Variants in ABAT observed in about 807,000 individuals in gnomAD.
ABAT encodes 4-aminobutyrate aminotransferase, mitochondrial.
Under a neutral mutation model 64.6 loss-of-function variants are expected in ABAT, and 45 were observed. The observed-to-expected ratio is 0.70, with a 90% CI of 0.55 to 0.89. ABAT has a LOEUF of 0.89. Ranked by LOEUF, ABAT falls within the 40% of genes least tolerant of loss-of-function variation. The pLI, the probability that ABAT is intolerant of heterozygous loss-of-function variation, is 0.00. For missense variants in ABAT, 633 were observed against 658.4 expected (o/e 0.96, Z 0.42); for synonymous variants, 297 against 250.5 (o/e 1.19, Z -1.75).
At chr16:8,773,777 A>G (rs1177796755) in intron 12 of ABAT, among the ~76,000 whole-genome samples, 3 of 152,226 alleles carry the variant, frequency 2.0e-5, no homozygotes, top group African/African-American at 7.2e-5. Flanking sequence ...AAGTGTTTTT[A>G]GTTCCCACCT....
At chr16:8,680,067 A>C (rs1194046967) in intron 1 of ABAT, among the ~76,000 whole-genome samples, 3 of 152,124 alleles carry the variant, frequency 2.0e-5, no homozygotes, top group Non-Finnish European at 4.4e-5. Flanking sequence ...TGCGTCTTTT[A>C]CAGGTAGTCT....
In ABAT at chr16:8,750,433, T is replaced by C. The variant is rs777386402; in HGVS notation, c.210T>C (p.Ala70=). 3 of 1,614,124 alleles carry C rather than the reference T, an allele frequency of 1.9e-6. No individual in the cohort carries two copies. Among genetic ancestry groups the C allele is most frequent in the Non-Finnish European group, 1.7e-6 (2 of 1,179,964 alleles). The change falls in exon 5 of 16, where the codon GCT becomes GCC. Residue 70 remains alanine, a synonymous_variant. Coordinates refer to ENST00000268251, the MANE Select transcript of ABAT (RefSeq NM_020686.6). ...KQLNIIQNAE[A]VHFFCNYEES... is the part of the protein sequence containing the mutation. ...TTTCTTTCTCCAAGAATGCAGAGGC[T>C]GTGCATTTTTTCTGCAATTACGAAG...
At chr16:8,761,076 TGAAAC>T (rs920440405) in intron 6 of ABAT, among the ~76,000 whole-genome samples, 4 of 151,370 alleles carry the variant, frequency 2.6e-5, no homozygotes, top group Middle Eastern at 3.2e-3. Flanking sequence ...ACCTTGCCTC[TGAAAC>T]AAAACAAAAC....
chr16:8,711,725 A>ATG (rs879474243), intron 1 of ABAT, among the ~76,000 whole-genome samples: 45,516 of 83,502 alleles, frequency 0.55, 14,256 homozygotes, highest in East Asian at 0.82. Flanking sequence ...GATGGATGGG[A>ATG]AGATGGATGG....
intron 1 of ABAT, among the ~76,000 whole-genome samples, chr16:8,727,544 A>G (rs774101679): frequency 3.3e-5 from 5 of 152,176 alleles, no homozygotes; most frequent in African/African-American, 7.2e-5. Context: ...CACTCACACC[A>G]GCAAAATAGT....
chr16:8,694,901 C>T (rs1273369), intron 1 of ABAT, among the ~76,000 whole-genome samples: 13,460 of 152,238 alleles, frequency 0.088, 718 homozygotes, highest in Middle Eastern at 0.17. Flanking sequence ...ACCTGAGTTC[C>T]GGTTTGGGAC....
At chr16:8,687,447 A>T (rs956612626) in intron 1 of ABAT, among the ~76,000 whole-genome samples, 2 of 151,620 alleles carry the variant, frequency 1.3e-5, no homozygotes, top group Non-Finnish European at 2.9e-5. Flanking sequence ...AATAGCTTGA[A>T]CCAGGGAGTC....
At chr16:8,734,250 T>A (rs1446951829) in intron 1 of ABAT, among the ~76,000 whole-genome samples, 3 of 152,356 alleles carry the variant, frequency 2.0e-5, no homozygotes, top group African/African-American at 7.2e-5. Context: ...CTCCCCATTA[T>A]AATGATGCCC....
chr16:8,725,029 G>A (rs1359572024), intron 1 of ABAT, among the ~76,000 whole-genome samples: 5 of 151,472 alleles, frequency 3.3e-5, no homozygotes, highest in Admixed American at 1.3e-4. Flanking sequence ...CGATTCTCCC[G>A]CCTCAGCCTC....
chr16:8,715,401 TGAAGTCAAGAGTTAGAG>T (rs1287065869), intron 1 of ABAT: 1 of 152,018 alleles, frequency 6.6e-6, no homozygotes, highest in Non-Finnish European at 1.5e-5. Context: ...GAGGATCACT[TGAAGTCAAGAGTTAGAG>T]ACTAGCCTCA....
intron 5 of ABAT, among the ~76,000 whole-genome samples, chr16:8,752,916 T>G (rs1416467071): frequency 6.6e-6 from 1 of 152,196 alleles, no homozygotes; most frequent in African/African-American, 2.4e-5. Flanking sequence ...GCCAAGTGCC[T>G]TATACATTAT....
intron 6 of ABAT, among the ~76,000 whole-genome samples, chr16:8,761,701 G>A (rs1000702723): frequency 1.3e-5 from 2 of 152,184 alleles, no homozygotes; most frequent in Non-Finnish European, 2.9e-5. Context: ...GCAGTAGGCC[G>A]GGGCACCACT....
chr16:8,684,803 A>G (rs1176668272), intron 1 of ABAT, among the ~76,000 whole-genome samples: 1 of 152,092 alleles, frequency 6.6e-6, no homozygotes, highest in East Asian at 1.9e-4. Context: ...TATTAGGCTC[A>G]TTCAATGAGG....
intron 6 of ABAT, among the ~76,000 whole-genome samples, chr16:8,760,590 G>T (rs115170150): frequency 6.6e-6 from 1 of 152,238 alleles, no homozygotes; most frequent in South Asian, 2.1e-4. Flanking sequence ...GTCTGATGAG[G>T]CCCACTGAGG....
chr16:8,722,591 G>A (rs556830652), intron 1 of ABAT, among the ~76,000 whole-genome samples: 27 of 152,262 alleles, frequency 1.8e-4, no homozygotes, highest in Admixed American at 1.0e-3. Flanking sequence ...ACTGAGGTTC[G>A]GGAAATGCAT....
chr16:8,742,042 T>G (rs182638297), intron 2 of ABAT, among the ~76,000 whole-genome samples: 16 of 152,320 alleles, frequency 1.1e-4, no homozygotes, highest in African/African-American at 2.6e-4. Context: ...AACAAACTTA[T>G]GGAAAACATG....
intron 1 of ABAT, among the ~76,000 whole-genome samples, chr16:8,730,986 G>C (rs945895546): frequency 6.6e-6 from 1 of 152,090 alleles, no homozygotes; most frequent in Non-Finnish European, 1.5e-5. Context: ...TGTGTGAGAC[G>C]GTGTCTCACT....
At chr16:8,725,818 C>T (rs2058534751) in intron 1 of ABAT, among the ~76,000 whole-genome samples, 1 of 152,100 alleles carries the variant, frequency 6.6e-6, no homozygotes, top group Non-Finnish European at 1.5e-5. Flanking sequence ...ACTTGTAATT[C>T]TTAAAAGGCC....
At chr16:8,766,753 G>A (rs1300707369) in intron 9 of ABAT, among the ~76,000 whole-genome samples, 5 of 152,176 alleles carry the variant, frequency 3.3e-5, no homozygotes, top group Non-Finnish European at 7.3e-5. Context: ...TGGATCTCCC[G>A]AGGTCAGGAG....
Sources: gnomAD v4.1 joint callset for allele counts (sites outside exome capture counted in the v4.1 genomes callset) on GRCh38, gnomAD v4.1.1 for gene constraint, MANE v1.5 for transcripts, NCBI Gene and HGNC (gene_info 2026-07-23, HGNC 2026-07-21) for gene names.